The following SYNE1 variants were observed in gnomAD, a reference collection of about 807,000 sequenced individuals.
The protein encoded by SYNE1 is nesprin-1.
SYNE1 carries 616 observed loss-of-function variants against 1,111.0 expected under a neutral mutation model. That is an observed-to-expected ratio of 0.55 (90% CI 0.52 to 0.59). The LOEUF (loss-of-function observed/expected upper bound fraction) is 0.59, where lower values mean the gene tolerates loss of function less well. Ranked by LOEUF, SYNE1 falls within the 20% of genes least tolerant of loss-of-function variation. SYNE1 has a pLI of 0.00. For synonymous variants in SYNE1, 3,855 were observed against 3,825.8 expected, an observed-to-expected ratio of 1.01 and a Z score of -0.28; for missense variants, 10,006 against 10,417.0, an observed-to-expected ratio of 0.96 and a Z score of 1.72.
intron 125 of SYNE1, among the ~76,000 whole-genome samples, chr6:152,206,605 G>A (rs1386992595): frequency 6.6e-6 from 1 of 152,172 alleles, no homozygotes; most frequent in Non-Finnish European, 1.5e-5. Context: ...AGATTGATGC[G>A]TGGAAATACA....
At chr6:152,479,174 T>G (rs1593536375) in intron 14 of SYNE1, among the ~76,000 whole-genome samples, 1 of 151,970 alleles carries the variant, frequency 6.6e-6, no homozygotes, top group South Asian at 2.1e-4. Flanking sequence ...TAGGGTTGGG[T>G]GTAGGACAGG....
intron 40 of SYNE1, among the ~76,000 whole-genome samples, chr6:152,418,561 G>T (rs1264149688): frequency 6.6e-6 from 1 of 152,166 alleles, no homozygotes; most frequent in African/African-American, 2.4e-5. Flanking sequence ...ATTTTTGAAT[G>T]TTTTCTGGTG....
At chr6:152,346,813 C>CA (rs1033593880) in intron 73 of SYNE1, among the ~76,000 whole-genome samples, 1 of 151,446 alleles carries the variant, frequency 6.6e-6, no homozygotes, top group Non-Finnish European at 1.5e-5. Context: ...CCGTCTCAAA[C>CA]AAAACAAAAC....
chr6:152,314,011 T>G (rs969196339), intron 87 of SYNE1, among the ~76,000 whole-genome samples: 8 of 152,206 alleles, frequency 5.3e-5, no homozygotes, highest in Non-Finnish European at 8.8e-5. Context: ...AGTCTCCAAA[T>G]TGGAGAATTC....
chr6:152,362,678 G>A (rs1427401715), intron 63 of SYNE1, among the ~76,000 whole-genome samples: 1 of 152,152 alleles, frequency 6.6e-6, no homozygotes, highest in South Asian at 2.1e-4. Context: ...GGCAGGGAGA[G>A]AAGCAACACT....
Position 152,472,289 on chromosome 6 carries a change from A to T in SYNE1, c.1463+12T>A. 1 of 1,595,394 alleles carries T rather than the reference A, an allele frequency of 6.3e-7. No individual in the cohort carries two copies. The highest frequency in any genetic ancestry group is 1.1e-5 in the South Asian group (1 of 90,652). On this transcript the variant is annotated intron_variant, in intron 15 of 145. Transcript: ENST00000367255. The stretch of plus-strand genomic sequence containing the variant: ...AAAAAGAGACTTCCTTTAAATGCAG[A>T]TATTCTCTTACCTCTCGGCCATGTC...
intron 117 of SYNE1, among the ~76,000 whole-genome samples, chr6:152,222,232 G>A (rs921751173): frequency 6.6e-6 from 1 of 152,208 alleles, no homozygotes; most frequent in African/African-American, 2.4e-5. Flanking sequence ...CCAGAAGTGT[G>A]AGTGGCACCC....
intron 3 of SYNE1, among the ~76,000 whole-genome samples, chr6:152,549,820 G>T (rs910210829): frequency 2.6e-5 from 4 of 152,068 alleles, no homozygotes; most frequent in Admixed American, 6.6e-5. Context: ...AAGACTTTCA[G>T]AATTGGAGTT....
chr6:152,433,763 T>C (rs756507991), intron 34 of SYNE1, 32 bp downstream of exon 34: 1 of 1,613,052 alleles, frequency 6.2e-7, no homozygotes, highest in Non-Finnish European at 8.5e-7. Context: ...AAGCTAGACA[T>C]GGATTATAAA....
At chr6:152,580,126 C>G (rs1175515233) in intron 3 of SYNE1, among the ~76,000 whole-genome samples, 1 of 152,206 alleles carries the variant, frequency 6.6e-6, no homozygotes, top group African/African-American at 2.4e-5. Flanking sequence ...TTTACATTCC[C>G]ACCAGCAATG....
intron 124 of SYNE1, among the ~76,000 whole-genome samples, chr6:152,208,973 T>A (rs1237009575): frequency 3.9e-5 from 6 of 151,956 alleles, no homozygotes; most frequent in African/African-American, 1.5e-4. Flanking sequence ...TTTCTGGCTT[T>A]AAAAAAATAT....
Position 152,318,169 on chromosome 6 carries a change from T to G in SYNE1, c.16484A>C (p.Lys5495Thr). Residue 5495 changes from lysine to threonine, a missense_variant, in exon 86 of 146, where the codon AAG becomes ACG. This residue lies in a region of SYNE1 where 4,955 missense variants were observed against 5,017.2 expected (regional missense o/e 0.99). Coordinates refer to ENST00000367255, the MANE Select transcript of SYNE1 (RefSeq NM_182961.4). ...KFLEQNGQLG[K>T]PLAKKIGKLT... ...TTTTCCTATCTTCTTGGCCAGTGGC[T>G]TACCCAGTTGGCCATTCTGTTCCAA... 6.2e-7 allele frequency: 1 copy of G among 1,614,174 alleles called. No individual in the cohort carries two copies. The highest frequency in any genetic ancestry group is 8.5e-7 in the Non-Finnish European group (1 of 1,180,026).
At chr6:152,523,742 T>C (rs2099151367) in intron 5 of SYNE1, among the ~76,000 whole-genome samples, 1 of 152,172 alleles carries the variant, frequency 6.6e-6, no homozygotes, top group Non-Finnish European at 1.5e-5. Context: ...CAGTGTTTTG[T>C]AGTTCTCCTT....
At chr6:152,391,690 G>T (rs184922044) in intron 51 of SYNE1, 122 bp from the exon 52 acceptor site, 1 of 1,194,600 alleles carries the variant, frequency 8.4e-7, no homozygotes. Flanking sequence ...TAGCTGACAT[G>T]CCTTTTAAAT....
intron 3 of SYNE1, among the ~76,000 whole-genome samples, chr6:152,580,359 G>T (rs942549472): frequency 2.0e-5 from 3 of 151,930 alleles, no homozygotes; most frequent in African/African-American, 7.2e-5. Flanking sequence ...CAATGGGGTT[G>T]TTTAGTTTTT....
chr6:152,524,047 C>T (rs1426333345), intron 5 of SYNE1, among the ~76,000 whole-genome samples: 2 of 152,038 alleles, frequency 1.3e-5, no homozygotes, highest in East Asian at 3.9e-4. Flanking sequence ...TATTTCATTT[C>T]CTTGCCTGAT....
intron 8 of SYNE1, among the ~76,000 whole-genome samples, chr6:152,507,810 T>C (rs1352094174): frequency 6.6e-6 from 1 of 152,354 alleles, no homozygotes; most frequent in South Asian, 2.1e-4. Context: ...TTAAAGCTTT[T>C]ATTTCTGATA....
intron 6 of SYNE1, among the ~76,000 whole-genome samples, chr6:152,515,814 T>C (rs1228877469): frequency 6.6e-6 from 1 of 152,194 alleles, no homozygotes; most frequent in Admixed American, 6.5e-5. Flanking sequence ...GATGAATCTG[T>C]TCACCACAGT....
intron 7 of SYNE1, 85 bp downstream of exon 7, chr6:152,510,926 G>T: frequency 8.3e-7 from 1 of 1,204,640 alleles, no homozygotes; most frequent in South Asian, 1.2e-5. Context: ...CCAAAGATAT[G>T]GCAAATGAGA....
Sources: gnomAD v4.1 joint callset for allele counts (sites outside exome capture counted in the v4.1 genomes callset) on GRCh38, gnomAD v4.1.1 for gene constraint, gnomAD v4.1.1 regional missense constraint, MANE v1.5 for transcripts, NCBI Gene and HGNC (gene_info 2026-07-23, HGNC 2026-07-21) for gene names.